CRISPLD2: variants seen among roughly 807,000 people sequenced by gnomAD.
CRISPLD2 encodes the protein cysteine-rich secretory protein LCCL domain-containing 2.
In CRISPLD2, 47 loss-of-function variants were observed where a neutral mutation model predicts 71.1. The observed-to-expected ratio is 0.66, with a 90% CI of 0.52 to 0.84. CRISPLD2 has a LOEUF of 0.84. Ranked by LOEUF, CRISPLD2 falls within the 40% of genes least tolerant of loss-of-function variation. The probability of loss-of-function intolerance (pLI) is 0.00; values close to 1 mark genes in which losing one functional copy is unlikely to be tolerated. For missense variants in CRISPLD2, 830 were observed against 651.1 expected (o/e 1.27, Z -2.99); for synonymous variants, 317 against 250.1 (o/e 1.27, Z -2.52).
chr16:84,882,900 C>G (rs762754921), intron 13 of CRISPLD2, among the ~76,000 whole-genome samples: 1 of 152,174 alleles, frequency 6.6e-6, no homozygotes, highest in Non-Finnish European at 1.5e-5. Context: ...TGCTCTTTCC[C>G]TGGTGTATGC....
chr16:84,838,512 G>A lies in CRISPLD2; in HGVS notation c.17G>A (p.Gly6Asp), dbSNP rs938929677. Reference sequence around the variant, plus strand: ...AGTGGAGCCATGAGCTGCGTCCTGGGTGGTGTCATCCCCTTGGGGCTGCTG... The same window carrying A: ...AGTGGAGCCATGAGCTGCGTCCTGGATGGTGTCATCCCCTTGGGGCTGCTG... MSCVL[G>D]GVIPLGLLFL... Residue 6 changes from glycine (G) to aspartate (D), a missense_variant, in exon 2 of 15, where the codon GGT becomes GAT. By Grantham distance (94) the Gly-to-Asp change is moderately conservative. Transcript: ENST00000262424. 1 of 1,613,932 alleles carries A rather than the reference G, an allele frequency of 6.2e-7. No homozygotes were observed. The highest frequency in any genetic ancestry group is 8.5e-7 in the Non-Finnish European group (1 of 1,179,944).
intron 14 of CRISPLD2, among the ~76,000 whole-genome samples, chr16:84,893,655 G>A (rs112013134): frequency 8.7e-4 from 133 of 152,264 alleles, no homozygotes; most frequent in African/African-American, 2.4e-3. Context: ...GACAGTTCAG[G>A]GAGGCATCAA....
chr16:84,831,172 A>G (rs1916479408), intron 1 of CRISPLD2, among the ~76,000 whole-genome samples: 2 of 152,182 alleles, frequency 1.3e-5, no homozygotes, highest in Non-Finnish European at 2.9e-5. Context: ...ATGGAAGAGG[A>G]CAGAGCTCCA....
At chr16:84,846,742 C>T (rs529836461) in intron 3 of CRISPLD2, among the ~76,000 whole-genome samples, 1 of 152,326 alleles carries the variant, frequency 6.6e-6, no homozygotes, top group South Asian at 2.1e-4. Context: ...TCGGGAAGCT[C>T]ACTAACTTCT....
chr16:84,832,495 G>A (rs948254580), intron 1 of CRISPLD2, among the ~76,000 whole-genome samples: 2 of 152,252 alleles, frequency 1.3e-5, no homozygotes, highest in East Asian at 3.8e-4. Context: ...GAGTCATCCC[G>A]TAAATATTTA....
rs1375249918 is a variant in CRISPLD2, at chr16:84,849,409, G to A, written c.384G>A (p.Val128=). The A allele has an allele frequency of 3.1e-6, 5 of 1,613,936 alleles. No homozygotes were observed. In the East Asian group the frequency reaches 8.9e-5, roughly 29 times the overall value. ...WGRYRSPGFH[V]QSWYDEVKDY... ...GGTATCGCTCTCCGGGGTTCCATGT[G>A]CAGTCCTGGTATGACGAGGTGAAGG... The change falls in exon 4 of 15, where the codon GTG becomes GTA. Residue 128 remains valine (V), a synonymous_variant. Transcript: ENST00000262424.
At chr16:84,855,120 C>T (rs538363343) in intron 6 of CRISPLD2, among the ~76,000 whole-genome samples, 1 of 152,104 alleles carries the variant, frequency 6.6e-6, no homozygotes, top group Non-Finnish European at 1.5e-5. Flanking sequence ...TGCAGACGCA[C>T]TGCTCACCCT....
rs1358373834 is a variant in CRISPLD2, at chr16:84,849,534, C to T, written c.492+17C>T. On this transcript the variant is annotated intron_variant, in intron 4 of 14. Transcript: ENST00000262424. ...TACACACAGGTAACTCGGGGACTTGCCACGACCTCAGCCCTGCCCCCCAAT... is the reference window on the plus strand; with the variant it reads ...TACACACAGGTAACTCGGGGACTTGTCACGACCTCAGCCCTGCCCCCCAAT... The T allele has an allele frequency of 1.2e-6, 2 of 1,612,054 alleles. No individual in the cohort carries two copies. The highest frequency in any genetic ancestry group is 2.7e-5 in the African/African-American group (2 of 75,006).
At chr16:84,901,600 T>C (rs1458274897) in intron 14 of CRISPLD2, among the ~76,000 whole-genome samples, 3 of 149,738 alleles carry the variant, frequency 2.0e-5, no homozygotes, top group Non-Finnish European at 4.4e-5. Context: ...GCCTCCCGAG[T>C]AGCTGGGATT....
At chr16:84,903,822 G>T (rs2071776935) in intron 14 of CRISPLD2, among the ~76,000 whole-genome samples, 1 of 152,188 alleles carries the variant, frequency 6.6e-6, no homozygotes, top group Admixed American at 6.5e-5. Flanking sequence ...CGAACAGGGA[G>T]GTGTTTGTTC....
intron 11 of CRISPLD2, among the ~76,000 whole-genome samples, chr16:84,877,208 G>C (rs2143303746): frequency 6.6e-6 from 1 of 152,302 alleles, no homozygotes; most frequent in South Asian, 2.1e-4. Flanking sequence ...GAAACCACTG[G>C]GGGTGACAAC....
In CRISPLD2 at chr16:84,847,754, C is replaced by T. The variant is rs146397562; in HGVS notation, c.360-1631C>T. ...TCGGCTCTTTTCATTTTTCTGAGCT[C>T]CTTTGCAGCACCTGGCTGGGCGCCG... On this transcript the variant is annotated intron_variant, in intron 3 of 14. Coordinates refer to ENST00000262424, the MANE Select transcript of CRISPLD2 (RefSeq NM_031476.4). Among the ~76,000 whole-genome samples, 148 of 152,248 alleles carry T rather than the reference C, an allele frequency of 9.7e-4. No individual in the cohort carries two copies. In the East Asian group the frequency reaches 0.022, roughly 23 times the overall value.
chr16:84,863,213 G>A (rs1039139196), intron 6 of CRISPLD2: 12 of 152,112 alleles, frequency 7.9e-5, no homozygotes, highest in Non-Finnish European at 1.6e-4. Flanking sequence ...AGCCACAGAG[G>A]GGCATTTTCA....
chr16:84,893,884 C>T (rs969832707), intron 14 of CRISPLD2, among the ~76,000 whole-genome samples: 1 of 152,188 alleles, frequency 6.6e-6, no homozygotes, highest in Admixed American at 6.5e-5. Context: ...TGGCTCTGTC[C>T]CTGACGGCTG....
At chr16:84,837,536 C>A (rs1192095005) in intron 1 of CRISPLD2, among the ~76,000 whole-genome samples, 1 of 152,108 alleles carries the variant, frequency 6.6e-6, no homozygotes, top group Non-Finnish European at 1.5e-5. Flanking sequence ...CCCGCCTCAG[C>A]CTCCCAAGTA....
Position 84,876,685 on chromosome 16 carries a change from C to A in CRISPLD2, c.1157-753C>A, listed in dbSNP as rs28500744. ...GCAGGCGCCTCTAATCCCAGCTACT[C>A]GGGAGGCTAAGGCAGGAGAATCAGT... On this transcript the variant is annotated intron_variant, in intron 11 of 14. Coordinates refer to ENST00000262424, the MANE Select transcript of CRISPLD2 (RefSeq NM_031476.4). Among the ~76,000 whole-genome samples the A allele has an allele frequency of 5.0e-3, 750 of 150,996 alleles. 8 individuals are homozygous for A. The highest frequency in any genetic ancestry group is 0.017 in the African/African-American group (701 of 40,956).
intron 14 of CRISPLD2, among the ~76,000 whole-genome samples, chr16:84,899,156 C>G (rs2071731764): frequency 6.6e-6 from 1 of 152,178 alleles, no homozygotes; most frequent in Non-Finnish European, 1.5e-5. Context: ...TCCCAAAGTG[C>G]TGAGACTACA....
At chr16:84,841,189 A>G (rs1916761177) in intron 2 of CRISPLD2, among the ~76,000 whole-genome samples, 1 of 152,140 alleles carries the variant, frequency 6.6e-6, no homozygotes, top group Non-Finnish European at 1.5e-5. Flanking sequence ...ACTGAGAGGG[A>G]GGAGTAAGGG....
At chr16:84,862,791 AGGCT>A (rs1236113553) in intron 6 of CRISPLD2, among the ~76,000 whole-genome samples, 1 of 150,496 alleles carries the variant, frequency 6.6e-6, no homozygotes, top group Non-Finnish European at 1.5e-5. Flanking sequence ...ATGTGGGATC[AGGCT>A]GGTGGGTTCT....
Sources: allele counts gnomAD v4.1 joint callset (sites outside exome capture counted in the v4.1 genomes callset), GRCh38; gene constraint gnomAD v4.1.1; transcripts MANE v1.5; gene names NCBI Gene and HGNC (gene_info 2026-07-23, HGNC 2026-07-21).